Variants in COMMD10 observed in about 807,000 individuals in gnomAD.
The protein encoded by COMMD10 is COMM domain containing 10.
COMMD10 carries 33 observed loss-of-function variants against 28.9 expected under a neutral mutation model. That is an observed-to-expected ratio of 1.14 (90% confidence interval 0.87 to 1.53). The LOEUF (loss-of-function observed/expected upper bound fraction) is 1.53, where lower values mean the gene tolerates loss of function less well. Among genes scored for constraint, COMMD10 ranks in the 40% most tolerant of loss-of-function variants. The pLI is 0.00. For missense variants in COMMD10, 310 were observed against 233.4 expected (o/e 1.33, Z -2.14); for synonymous variants, 110 against 81.7 (o/e 1.35, Z -1.87).
At chr5:116,241,377 C>A (rs4921084) in intron 5 of COMMD10, among the ~76,000 whole-genome samples, 148,940 of 152,218 alleles carry the variant, frequency 0.98, 72,946 homozygotes, top group East Asian at 1. Context: ...ATGGCAAGCC[C>A]CAAATACCTA....
At chr5:116,213,792 G>A (rs12186653) in intron 5 of COMMD10, among the ~76,000 whole-genome samples, 55,474 of 151,612 alleles carry the variant, frequency 0.37, 12,300 homozygotes, top group African/African-American at 0.63. Flanking sequence ...TATGTGATTC[G>A]TATTTTAGTA....
intron 5 of COMMD10, among the ~76,000 whole-genome samples, chr5:116,224,175 T>C (rs992523403): frequency 2.0e-5 from 3 of 152,160 alleles, no homozygotes; most frequent in African/African-American, 4.8e-5. Flanking sequence ...AACCAATGTA[T>C]CTTTTCAATG....
At chr5:116,092,074 A>G (rs1053782613) in intron 3 of COMMD10, among the ~76,000 whole-genome samples, 1 of 152,244 alleles carries the variant, frequency 6.6e-6, no homozygotes, top group Non-Finnish European at 1.5e-5. Flanking sequence ...CAGAACAGGT[A>G]TCAGTGTTAA....
chr5:116,282,455 A>G (rs996318483), intron 5 of COMMD10, among the ~76,000 whole-genome samples: 3 of 151,934 alleles, frequency 2.0e-5, no homozygotes, highest in Non-Finnish European at 1.5e-5. Flanking sequence ...ACATAATTAT[A>G]TCACTCTTAT....
At chr5:116,224,374 T>G (rs1372825799) in intron 5 of COMMD10, among the ~76,000 whole-genome samples, 1 of 152,152 alleles carries the variant, frequency 6.6e-6, no homozygotes, top group Non-Finnish European at 1.5e-5. Flanking sequence ...TTTGTTGGTA[T>G]AAAGGAATAT....
Position 116,092,680 on chromosome 5 carries a change from A to G in COMMD10, c.379A>G (p.Arg127Gly). ...GQETVEKFRQRILAPCKLETV... is the reference protein window; with the variant it reads ...GQETVEKFRQGILAPCKLETV... ...AGAAACAGTTGAAAAGTTCCGGCAG[A>G]GAATTCTGGCTCCCTGTAAGGTATA... Residue 127 changes from arginine (R) to glycine (G), a missense_variant, in exon 4 of 7, where the codon AGA becomes GGA. By Grantham distance (125) the Arg-to-Gly change is moderately radical. Coordinates refer to ENST00000274458, the MANE Select transcript of COMMD10 (RefSeq NM_016144.4). The G allele has an allele frequency of 6.2e-7, 1 of 1,607,522 alleles. No homozygotes were observed. Among genetic ancestry groups the G allele is most frequent in the Non-Finnish European group, 8.5e-7 (1 of 1,176,808 alleles).
chr5:116,168,337 C>T (rs1032148830), intron 5 of COMMD10, among the ~76,000 whole-genome samples: 1 of 152,110 alleles, frequency 6.6e-6, no homozygotes, highest in Non-Finnish European at 1.5e-5. Context: ...ATTCATAAAG[C>T]AAGTTCTTAG....
chr5:116,181,947 C>T (rs1049644655), intron 5 of COMMD10, among the ~76,000 whole-genome samples: 4 of 151,956 alleles, frequency 2.6e-5, no homozygotes, highest in African/African-American at 9.7e-5. Context: ...GCTCCTGCCC[C>T]CATGGAGTTT....
chr5:116,230,523 A>T (rs774948250), intron 5 of COMMD10, among the ~76,000 whole-genome samples: 1 of 151,968 alleles, frequency 6.6e-6, no homozygotes, highest in Non-Finnish European at 1.5e-5. Flanking sequence ...AGGAAACACA[A>T]ATTTATGTTC....
intron 5 of COMMD10, among the ~76,000 whole-genome samples, chr5:116,172,516 C>G (rs2112583761): frequency 6.6e-6 from 1 of 152,284 alleles, no homozygotes; most frequent in East Asian, 1.9e-4. Context: ...TTTGCTCAGA[C>G]TATTGCTTTC....
chr5:116,170,692 A>G (rs1425799362), intron 5 of COMMD10, among the ~76,000 whole-genome samples: 1 of 152,172 alleles, frequency 6.6e-6, no homozygotes, highest in Non-Finnish European at 1.5e-5. Context: ...CACATCTACA[A>G]CCATCTGATC....
chr5:116,213,989 G>A (rs1189725429), intron 5 of COMMD10, among the ~76,000 whole-genome samples: 1 of 152,008 alleles, frequency 6.6e-6, no homozygotes, highest in East Asian at 1.9e-4. Context: ...TAGAAATCCT[G>A]CTTTTATGAA....
intron 5 of COMMD10, among the ~76,000 whole-genome samples, chr5:116,167,595 G>T (rs187592854): frequency 6.6e-6 from 1 of 151,916 alleles, no homozygotes; most frequent in Admixed American, 6.6e-5. Flanking sequence ...CAGCCAGAGA[G>T]ACAGGTCAGG....
chr5:116,134,031 G>C (rs1751945743), intron 4 of COMMD10, 37 bp from the exon 5 acceptor site: 1 of 1,159,122 alleles, frequency 8.6e-7, no homozygotes, highest in South Asian at 1.2e-5. Context: ...TCTTCCTTCT[G>C]TACCATCTGA....
At chr5:116,103,890 A>T (rs1385211614) in intron 4 of COMMD10, among the ~76,000 whole-genome samples, 1 of 152,286 alleles carries the variant, frequency 6.6e-6, no homozygotes, top group African/African-American at 2.4e-5. Context: ...TCCCAGCACC[A>T]TTTATTACAT....
chr5:116,110,233 G>A (rs1287578954), intron 4 of COMMD10, among the ~76,000 whole-genome samples: 9 of 152,106 alleles, frequency 5.9e-5, no homozygotes. Context: ...ACTTGATTGT[G>A]GTGTATTATC....
intron 5 of COMMD10, among the ~76,000 whole-genome samples, chr5:116,213,041 G>T (rs1488180103): frequency 2.0e-5 from 3 of 151,996 alleles, no homozygotes; most frequent in African/African-American, 4.8e-5. Flanking sequence ...GTATGTTAAT[G>T]ATTATCTATA....
intron 4 of COMMD10, among the ~76,000 whole-genome samples, chr5:116,108,935 TTG>T: frequency 6.6e-6 from 1 of 152,094 alleles, no homozygotes; most frequent in Non-Finnish European, 1.5e-5. Flanking sequence ...ACGGCTTCCC[TTG>T]GCTGGGGAAG....
chr5:116,190,045 T>G (rs1406791565), intron 5 of COMMD10, among the ~76,000 whole-genome samples: 1 of 152,166 alleles, frequency 6.6e-6, no homozygotes, highest in African/African-American at 2.4e-5. Context: ...TCAGCACGCT[T>G]TATCTCCTTC....
Sources: gnomAD v4.1 joint callset for allele counts (sites outside exome capture counted in the v4.1 genomes callset) on GRCh38, gnomAD v4.1.1 for gene constraint, MANE v1.5 for transcripts, NCBI Gene and HGNC (gene_info 2026-07-23, HGNC 2026-07-21) for gene names.